FUCA1: variants seen among roughly 807,000 people sequenced by gnomAD.
The protein encoded by FUCA1 is alpha-L-fucosidase 1.
A neutral mutation model predicts 56.8 loss-of-function variants in FUCA1; 52 were observed. The ratio of observed to expected loss-of-function variants is 0.92; its 90% CI spans 0.73 to 1.15. The LOEUF (loss-of-function observed/expected upper bound fraction) is 1.15, where lower values mean the gene tolerates loss of function less well. Among genes scored for constraint, FUCA1 ranks in the 50% most tolerant of loss-of-function variants. The pLI is 0.00. For synonymous variants in FUCA1, 230 were observed against 226.6 expected, an observed-to-expected ratio of 1.02 and a Z score of -0.14; for missense variants, 568 against 592.6, an observed-to-expected ratio of 0.96 and a Z score of 0.43.
rs756742678 is a variant in FUCA1, at chr1:23,868,227, GAGC to G, written c.57_59del (p.Leu20del). ...GCACCGACTCGGCCGCTCCGAGGAA[GAGC>G]AGCAGCAGCAACAGCGCGGGACCCG... On this transcript the variant is annotated inframe_deletion, in exon 1 of 8. Transcript: ENST00000374479. 2.5e-6 allele frequency: 4 copies of G among 1,582,428 alleles called. No homozygotes were observed. Among genetic ancestry groups the G allele is most frequent in the South Asian group, 1.1e-5 (1 of 88,000 alleles).
At chr1:23,846,376 A>G (rs990075319) in intron 6 of FUCA1, among the ~76,000 whole-genome samples, 2 of 151,470 alleles carry the variant, frequency 1.3e-5, no homozygotes, top group Non-Finnish European at 2.9e-5. Context: ...GGTTCAAGCA[A>G]TTCTTGTGGT....
intron 5 of FUCA1, 120 bp from the exon 6 acceptor site, chr1:23,848,959 G>A: frequency 2.3e-6 from 2 of 857,932 alleles, no homozygotes; most frequent in Middle Eastern, 2.4e-4. Flanking sequence ...ATCCTCTGCT[G>A]TTTTAATTTT....
rs1424217697 is a variant in FUCA1, at chr1:23,848,523, A to ATTTTCTGG, written c.1160+125_1160+126insCCAGAAAA. 4.5e-6 allele frequency: 4 copies of ATTTTCTGG among 896,514 alleles called. No individual in the cohort carries two copies. In the African/African-American group the frequency reaches 6.6e-5, roughly 15 times the overall value. The allele number at this position is 896,514 out of a possible 1,614,324, so 55.5% of individuals were successfully genotyped here. On this transcript the variant is annotated intron_variant, in intron 6 of 7. Coordinates refer to ENST00000374479, the MANE Select transcript of FUCA1 (RefSeq NM_000147.5). ...TCAAATGGGGTACAAATTTTATAGGAAAATAACCTTCTGGATTTTCTCAAG... is the reference window on the plus strand; with the variant it reads ...TCAAATGGGGTACAAATTTTATAGGATTTTCTGGAAATAACCTTCTGGATTTTCTCAAG...
intron 7 of FUCA1, 51 bp downstream of exon 7, chr1:23,846,023 G>T: frequency 6.5e-7 from 1 of 1,528,108 alleles, no homozygotes; most frequent in Non-Finnish European, 9.1e-7. Context: ...GGAAGGATCT[G>T]CCAATTCCTT....
At chr1:23,853,085 G>A (rs970312570) in intron 5 of FUCA1, among the ~76,000 whole-genome samples, 2 of 145,526 alleles carry the variant, frequency 1.4e-5, no homozygotes, top group African/African-American at 2.6e-5. Context: ...GTCTCTGCCC[G>A]GCCGCCCATC....
intron 4 of FUCA1, 27 bp from the exon 5 acceptor site, chr1:23,854,587 T>C (rs772069115): frequency 7.0e-6 from 11 of 1,577,542 alleles, no homozygotes; most frequent in Non-Finnish European, 9.6e-6. Flanking sequence ...TATTTGGTCA[T>C]GAGGAGTAAA....
chr1:23,859,614 C>G (rs1639465396), intron 4 of FUCA1, among the ~76,000 whole-genome samples, 184 bp downstream of exon 4: 1 of 151,612 alleles, frequency 6.6e-6, no homozygotes, highest in African/African-American at 2.4e-5. Flanking sequence ...AACTTATACT[C>G]TAAGGGAGCC....
In FUCA1 at chr1:23,863,279, A is replaced by C. The variant is rs41268125; in HGVS notation, c.525-8T>G. 2.9e-4 allele frequency: 462 copies of C among 1,611,864 alleles called. No homozygotes were observed. Among genetic ancestry groups the C allele is most frequent in the Non-Finnish European group, 3.8e-4 (447 of 1,179,538 alleles). On this transcript the variant is annotated splice_polypyrimidine_tract_variant and splice_region_variant and intron_variant, in intron 2 of 7. Transcript: ENST00000374479. ...AGTCCATAGCGGATGTTCCTTAAAC[A>C]GAAAAACAGAACAGCAACTGTCATT...
chr1:23,858,073 C>CT (rs534845210), intron 4 of FUCA1, among the ~76,000 whole-genome samples: 10 of 150,376 alleles, frequency 6.7e-5, no homozygotes, highest in South Asian at 2.1e-4. Context: ...GACCCTTAGA[C>CT]TTTTTTTTTG....
intron 5 of FUCA1, among the ~76,000 whole-genome samples, chr1:23,849,364 A>G (rs1639210356): frequency 2.6e-5 from 4 of 151,966 alleles, no homozygotes. Context: ...AAATCAGGCT[A>G]TATTATATTA....
Position 23,845,831 on chromosome 1 carries a change from C to T in FUCA1, c.1285G>A (p.Asp429Asn), listed in dbSNP as rs760553295. 6.2e-7 allele frequency: 1 copy of T among 1,614,158 alleles called. No individual in the cohort carries two copies. The highest frequency in any genetic ancestry group is 8.5e-7 in the Non-Finnish European group (1 of 1,180,022). Residue 429 changes from aspartate (D) to asparagine (N), a missense_variant, in exon 8 of 8, where the codon GAT becomes AAT. Coordinates refer to ENST00000374479, the MANE Select transcript of FUCA1 (RefSeq NM_000147.5). ...TKITMLGIQG[D>N]LKWSTDPDKG... is the part of the protein sequence containing the mutation. ...TCTGGATCTGTGGACCACTTCAGAT[C>T]TCCTTGAATTCCCAGCATTGTTATC...
At position 23,845,323 on chromosome 1, in the gene FUCA1, C is replaced by T. The variant is rs1239189074; in HGVS notation, c.*392G>A. 3.1e-6 allele frequency: 1 copy of T among 321,854 alleles called. No homozygotes were observed. The highest frequency in any genetic ancestry group is 6.0e-6 in the Non-Finnish European group (1 of 167,362). 19.9% of individuals were successfully genotyped at this position (321,854 alleles called of 1,614,324 possible). A position where few individuals can be genotyped will look rare whatever the true frequency, so the allele number is the denominator to read the frequency against. ...GTGACAACTGATGCTAACTAAATAGCATGTGGTTGAGCTTGCCAAATCCTT... is the reference window on the plus strand; with the variant it reads ...GTGACAACTGATGCTAACTAAATAGTATGTGGTTGAGCTTGCCAAATCCTT... On this transcript the variant is annotated 3_prime_UTR_variant, in exon 8 of 8. Coordinates refer to ENST00000374479, the MANE Select transcript of FUCA1 (RefSeq NM_000147.5).
At chr1:23,848,601 G>A (rs376349096) in intron 6 of FUCA1, 48 bp downstream of exon 6, 650 of 1,575,296 alleles carry the variant, frequency 4.1e-4, no homozygotes, top group African/African-American at 8.8e-4. Flanking sequence ...TACCAGTTCC[G>A]GATGGGGCAC....
intron 4 of FUCA1, among the ~76,000 whole-genome samples, chr1:23,859,569 T>TAA (rs761818444): frequency 3.9e-5 from 5 of 129,022 alleles, no homozygotes; most frequent in African/African-American, 2.9e-5. Context: ...CTGTCTCAAT[T>TAA]AAAAAAAAAA....
At chr1:23,859,749 C>A (rs762750475) in intron 4 of FUCA1, 49 bp downstream of exon 4, 2 of 1,238,990 alleles carry the variant, frequency 1.6e-6, no homozygotes, top group Non-Finnish European at 1.2e-6. Context: ...TGGCTCCTTG[C>A]ACTTTCTTTC....
rs1344896886 is a variant in FUCA1, at chr1:23,854,519, G to C, written c.810C>G (p.Ser270=). Residue 270 remains serine, a synonymous_variant, in exon 5 of 8, where the codon TCC becomes TCG. Coordinates refer to ENST00000374479, the MANE Select transcript of FUCA1 (RefSeq NM_000147.5). The part of the protein sequence containing the change: ...VVNDRWGQNC[S]CHHGGYYNCE... The stretch of plus-strand genomic sequence containing the variant: ...AGTTATAGTATCCTCCATGGTGACA[G>C]GAACAGTTCTGACCCCATCGGTCAT... 1 of 1,614,062 alleles carries C rather than the reference G, an allele frequency of 6.2e-7. No homozygotes were observed. Among genetic ancestry groups the C allele is most frequent in the Admixed American group, 1.7e-5 (1 of 60,008 alleles).
Position 23,868,212 on chromosome 1 carries a change from G to T in FUCA1, c.75C>A (p.Ala25=). ...GAGGCTGGGCCCGACGCACCGACTC[G>T]GCCGCTCCGAGGAAGAGCAGCAGCA... The part of the protein sequence containing the change: ...LLLLLLFLGA[A]ESVRRAQPPR... Residue 25 remains alanine, a synonymous_variant, in exon 1 of 8, where the codon GCC becomes GCA. Transcript: ENST00000374479. 1.3e-6 allele frequency: 2 copies of T among 1,591,332 alleles called. No homozygotes were observed. The highest frequency in any genetic ancestry group is 1.1e-5 in the South Asian group (1 of 88,712).
intron 5 of FUCA1, among the ~76,000 whole-genome samples, chr1:23,851,553 A>G (rs961885991): frequency 6.6e-6 from 1 of 150,700 alleles, no homozygotes; most frequent in Admixed American, 6.6e-5. Flanking sequence ...ACTTCTATCC[A>G]GAGTACTTCC....
intron 4 of FUCA1, among the ~76,000 whole-genome samples, chr1:23,855,490 A>C (rs1363074151): frequency 6.6e-6 from 1 of 152,238 alleles, no homozygotes; most frequent in Non-Finnish European, 1.5e-5. Flanking sequence ...GCAGAGCGAG[A>C]CTCCGTCTCA....
Sources: gnomAD v4.1 joint callset for allele counts (sites outside exome capture counted in the v4.1 genomes callset) on GRCh38, gnomAD v4.1.1 for gene constraint, MANE v1.5 for transcripts, NCBI Gene and HGNC (gene_info 2026-07-23, HGNC 2026-07-21) for gene names.